Variants in JMJD7 observed in about 807,000 individuals in gnomAD.
JMJD7 encodes the protein jumonji domain containing 7.
Under a neutral mutation model 41.1 loss-of-function variants are expected in JMJD7, and 41 were observed. The observed-to-expected ratio is 1.00, with a 90% CI of 0.78 to 1.30. The LOEUF is 1.30. Ranked by LOEUF, JMJD7 falls within the 50% of genes most tolerant of loss-of-function variation. JMJD7 has a pLI of 0.00. For missense variants in JMJD7, 480 were observed against 420.7 expected (o/e 1.14, Z -1.23); for synonymous variants, 202 against 177.2 (o/e 1.14, Z -1.11).
chr15:41,828,923 G>A (rs959955900), intron 1 of JMJD7, among the ~76,000 whole-genome samples: 1 of 152,174 alleles, frequency 6.6e-6, no homozygotes, highest in East Asian at 1.9e-4. Flanking sequence ...TTTCACGTCT[G>A]TGTGCTAGTG....
Position 41,835,133 on chromosome 15 carries a change from G to C in JMJD7, c.382G>C (p.Val128Leu). The change falls in exon 3 of 8, where the codon GTG becomes CTG. Residue 128 changes from valine (V) to leucine (L), a missense_variant. Val to Leu is a conservative substitution (Grantham distance 32, BLOSUM62 1). Coordinates refer to ENST00000397299, the MANE Select transcript of JMJD7 (RefSeq NM_001114632.2). Reference sequence around the variant, plus strand: ...GGCCCAGCACCCTGGAGTCCTCTATGTGCAGAAGCAGTGCTCCAACCTGCC... The same window carrying C: ...GGCCCAGCACCCTGGAGTCCTCTATCTGCAGAAGCAGTGCTCCAACCTGCC... ...GRAQHPGVLY[V>L]QKQCSNLPSE... 1 of 1,610,098 alleles carries C rather than the reference G, an allele frequency of 6.2e-7. No homozygotes were observed.
intron 1 of JMJD7, among the ~76,000 whole-genome samples, chr15:41,832,905 C>G (rs2065249579): frequency 6.6e-6 from 1 of 152,138 alleles, no homozygotes; most frequent in Admixed American, 6.6e-5. Context: ...TTTATAAAAA[C>G]CAGTAGAAAG....
intron 1 of JMJD7, among the ~76,000 whole-genome samples, chr15:41,832,216 G>T (rs373494387): frequency 6.6e-6 from 1 of 152,154 alleles, no homozygotes; most frequent in African/African-American, 2.4e-5. Flanking sequence ...CACACCCCTC[G>T]CTGCCCCACT....
At position 41,835,007 on chromosome 15, in the gene JMJD7, AC is replaced by A; in HGVS notation, c.260del (p.Pro87GlnfsTer8). ...CTCCACAGAGGTGAGTGTGGCCGTGACCCCAGATGGTTACGCGGATGCCGTG... is the reference window on the plus strand; with the variant it reads ...CTCCACAGAGGTGAGTGTGGCCGTGACCCAGATGGTTACGCGGATGCCGTG... ...VGSTEVSVAV[T>X]PDGYADAVRG... is the part of the protein sequence containing the mutation. On this transcript the variant is annotated frameshift_variant, in exon 3 of 8. Transcript: ENST00000397299. LOFTEE classifies it high-confidence loss of function. The A allele has an allele frequency of 6.2e-7, 1 of 1,614,010 alleles. No individual in the cohort carries two copies. Among genetic ancestry groups the A allele is most frequent in the Non-Finnish European group, 8.5e-7 (1 of 1,180,024 alleles).
Position 41,828,174 on chromosome 15 carries a change from C to T in JMJD7, c.50C>T (p.Pro17Leu), listed in dbSNP as rs139694386. The T allele has an allele frequency of 4.3e-4, 639 of 1,493,840 alleles. 3 individuals are homozygous for T. The African/African-American group carries it at 8.6e-3, about 20-fold the overall frequency. The allele number at this position is 1,493,840 out of a possible 1,614,324, so 92.5% of individuals were successfully genotyped here. ...GTGCGGAGCGAGTTACGAGAATTCC[C>T]GGCCGCTGCAAGGGGTGAGTGGCTC... ...EAVRSELREF[P>L]AAARELCVPL... The change falls in exon 1 of 8, where the codon CCG becomes CTG. Residue 17 changes from proline (P) to leucine (L), a missense_variant. By Grantham distance (98) the Pro-to-Leu change is moderately conservative (BLOSUM62 -3). Coordinates refer to ENST00000397299, the MANE Select transcript of JMJD7 (RefSeq NM_001114632.2).
At position 41,837,491 on chromosome 15, in the gene JMJD7, C is replaced by T; in HGVS notation, c.*335C>T. On this transcript the variant is annotated 3_prime_UTR_variant, in exon 8 of 8. Coordinates refer to ENST00000397299, the MANE Select transcript of JMJD7 (RefSeq NM_001114632.2). The stretch of plus-strand genomic sequence containing the variant: ...AGTAAAGAGATAATAATGGCTGTAC[C>T]TCGCGGGGCTGTTGTGGGCTTGGAG... 1 of 343,438 alleles carries T rather than the reference C, an allele frequency of 2.9e-6. No homozygotes were observed. The highest frequency in any genetic ancestry group is 5.3e-6 in the Non-Finnish European group (1 of 187,622). 21.3% of individuals were successfully genotyped at this position (343,438 alleles called of 1,614,324 possible). A position where few individuals can be genotyped will look rare whatever the true frequency, so the allele number is the denominator to read the frequency against.
intron 1 of JMJD7, among the ~76,000 whole-genome samples, chr15:41,829,815 C>G (rs541499682): frequency 6.6e-6 from 1 of 152,322 alleles, no homozygotes; most frequent in African/African-American, 2.4e-5. Flanking sequence ...CGCCTGTAAT[C>G]CTAGCACTTC....
chr15:41,831,893 T>C (rs969569596), intron 1 of JMJD7, among the ~76,000 whole-genome samples: 2 of 152,128 alleles, frequency 1.3e-5, no homozygotes, highest in African/African-American at 4.8e-5. Context: ...GACTGAACCA[T>C]GCGTCTTGCT....
At position 41,837,267 on chromosome 15, in the gene JMJD7, G is replaced by A. The variant is rs1354533730; in HGVS notation, c.*111G>A. 1.7e-5 allele frequency: 12 copies of A among 715,464 alleles called. No individual in the cohort carries two copies. Among genetic ancestry groups the A allele is most frequent in the Non-Finnish European group, 2.6e-5 (11 of 420,504 alleles). 44.3% of individuals were successfully genotyped at this position (715,464 alleles called of 1,614,324 possible). On this transcript the variant is annotated 3_prime_UTR_variant, in exon 8 of 8. Coordinates refer to ENST00000397299, the MANE Select transcript of JMJD7 (RefSeq NM_001114632.2). The stretch of plus-strand genomic sequence containing the variant: ...AGTGTGCATGCTGGCTGCTGGCCCC[G>A]GGTCCAGCATGGCTTGAGATCAGCT...
intron 1 of JMJD7, among the ~76,000 whole-genome samples, chr15:41,829,724 T>A (rs1019682081): frequency 1.3e-5 from 2 of 152,094 alleles, no homozygotes; most frequent in African/African-American, 4.8e-5. Context: ...GTAAAACAAA[T>A]CCCTAATTGC....
At position 41,837,338 on chromosome 15, in the gene JMJD7, A is replaced by G. The variant is rs2065340295; in HGVS notation, c.*182A>G. On this transcript the variant is annotated 3_prime_UTR_variant, in exon 8 of 8. Coordinates refer to ENST00000397299, the MANE Select transcript of JMJD7 (RefSeq NM_001114632.2). ...GTCATAAGGACTCAAGGTGCCAGGCAGGTCTGGGTGAGGGTTCTCAGGAAG... is the reference window on the plus strand; with the variant it reads ...GTCATAAGGACTCAAGGTGCCAGGCGGGTCTGGGTGAGGGTTCTCAGGAAG... The G allele has an allele frequency of 1.7e-6, 1 of 593,998 alleles. No individual in the cohort carries two copies. The highest frequency in any genetic ancestry group is 2.8e-5 in the East Asian group (1 of 35,814). 36.8% of individuals were successfully genotyped at this position (593,998 alleles called of 1,614,324 possible).
chr15:41,834,609 A>G (rs1226463338), intron 1 of JMJD7, 131 bp from the exon 2 acceptor site: 20 of 1,346,428 alleles, frequency 1.5e-5, no homozygotes, highest in East Asian at 7.0e-5. Context: ...CTGGTTGTCC[A>G]GGGTCCTTTG....
At position 41,837,477 on chromosome 15, in the gene JMJD7, A is replaced by G. The variant is rs959319757; in HGVS notation, c.*321A>G. ...ATTGGTGTCCTGTCAGTAAAGAGAT[A>G]ATAATGGCTGTACCTCGCGGGGCTG... On this transcript the variant is annotated 3_prime_UTR_variant, in exon 8 of 8. Coordinates refer to ENST00000397299, the MANE Select transcript of JMJD7 (RefSeq NM_001114632.2). 7.3e-6 allele frequency: 3 copies of G among 409,682 alleles called. No individual in the cohort carries two copies. The highest frequency in any genetic ancestry group is 8.1e-5 in the South Asian group (2 of 24,782). The allele number at this position is 409,682 out of a possible 1,614,324, so 25.4% of individuals were successfully genotyped here. A position where few individuals can be genotyped will look rare whatever the true frequency, so the allele number is the denominator to read the frequency against.
chr15:41,828,299 G>C, intron 1 of JMJD7, 111 bp downstream of exon 1: 1 of 1,285,318 alleles, frequency 7.8e-7, no homozygotes, highest in Non-Finnish European at 1.0e-6. Flanking sequence ...CTGAGGCCCC[G>C]CTCGGGTTGC....
rs758265428 is a variant in JMJD7 at position 41,835,190 on chromosome 15, G to A, written c.439G>A (p.Glu147Lys). The A allele has an allele frequency of 6.2e-7, 1 of 1,601,552 alleles. No individual in the cohort carries two copies. The highest frequency in any genetic ancestry group is 8.5e-7 in the Non-Finnish European group (1 of 1,179,878). ...GCTGCCCCAGCTGCTGCCTGATCTG[G>A]AATCCCATGTGCCCTGGGCCTCCGA... The part of the protein sequence containing the change: ...SELPQLLPDL[E>K]SHVPWASEAL... The change falls in exon 3 of 8, where the codon GAA (glutamate) becomes AAA (lysine). Residue 147 changes from glutamate (E) to lysine (K), a missense_variant. Physicochemically the swap from Glu to Lys is moderately conservative, Grantham distance 56. Coordinates refer to ENST00000397299, the MANE Select transcript of JMJD7 (RefSeq NM_001114632.2).
intron 3 of JMJD7, 73 bp from the exon 4 acceptor site, chr15:41,835,515 G>C (rs1037275061): frequency 1.3e-6 from 2 of 1,567,592 alleles, no homozygotes; most frequent in Non-Finnish European, 1.7e-6. Flanking sequence ...CCAGGTTTTG[G>C]CTCTGGCATC....
intron 1 of JMJD7, among the ~76,000 whole-genome samples, chr15:41,829,748 G>C (rs1258256346): frequency 6.6e-6 from 1 of 152,126 alleles, no homozygotes; most frequent in Non-Finnish European, 1.5e-5. Context: ...AGTCCAAAGG[G>C]TGAAAAAATG....
At chr15:41,831,100 GGCT>G (rs1275631893) in intron 1 of JMJD7, among the ~76,000 whole-genome samples, 6 of 152,194 alleles carry the variant, frequency 3.9e-5, no homozygotes, top group Admixed American at 3.9e-4. Context: ...GCCCACCCAT[GGCT>G]GCCCATGGAC....
At position 41,836,871 on chromosome 15, in the gene JMJD7, GC is replaced by G. The variant is rs1195100855; in HGVS notation, c.795del (p.Gly266ValfsTer23). On this transcript the variant is annotated frameshift_variant, in exon 7 of 8. Coordinates refer to ENST00000397299, the MANE Select transcript of JMJD7 (RefSeq NM_001114632.2). LOFTEE classifies it high-confidence loss of function. ...QAQALRCTVR[A>X]GEMLYLPALW... ...CCAGGCCCTTCGCTGCACGGTGCGG[GC>G]CGGTGAGATGCTCTATCTGCCGGCT... The G allele has an allele frequency of 6.2e-7, 1 of 1,613,384 alleles. No individual in the cohort carries two copies. Among genetic ancestry groups the G allele is most frequent in the Admixed American group, 1.7e-5 (1 of 59,976 alleles).
Sources: allele counts gnomAD v4.1 joint callset (sites outside exome capture counted in the v4.1 genomes callset), GRCh38; gene constraint gnomAD v4.1.1; transcripts MANE v1.5; gene names NCBI Gene and HGNC (gene_info 2026-07-23, HGNC 2026-07-21).